The following CPQ variants were observed in gnomAD, a reference collection of about 807,000 sequenced individuals.
CPQ encodes the protein Ser-Met dipeptidase.
A neutral mutation model predicts 45.7 loss-of-function variants in CPQ; 37 were observed. The observed-to-expected ratio is 0.81, with a 90% CI of 0.62 to 1.07. The LOEUF (loss-of-function observed/expected upper bound fraction) is 1.07. Among genes scored for constraint, CPQ ranks in the 50% least tolerant of loss-of-function variants. CPQ has a pLI of 0.00. For missense variants in CPQ, 537 were observed against 572.9 expected, an observed-to-expected ratio of 0.94 and a Z score of 0.64; for synonymous variants, 186 against 205.8, an observed-to-expected ratio of 0.90 and a Z score of 0.82.
chr8:97,126,115 T>C (rs1178349749), intron 7 of CPQ, among the ~76,000 whole-genome samples: 3 of 152,142 alleles, frequency 2.0e-5, no homozygotes, highest in African/African-American at 7.2e-5. Flanking sequence ...ATGAGGAAGA[T>C]TACATAATTG....
intron 6 of CPQ, among the ~76,000 whole-genome samples, chr8:97,061,158 T>C (rs1174072627): frequency 1.3e-5 from 2 of 151,124 alleles, no homozygotes; most frequent in African/African-American, 4.9e-5. Flanking sequence ...AGAATTCTGG[T>C]TTACTGATAT....
chr8:97,105,232 C>A (rs1446457462), intron 7 of CPQ, among the ~76,000 whole-genome samples: 1 of 152,160 alleles, frequency 6.6e-6, no homozygotes, highest in Admixed American at 6.5e-5. Flanking sequence ...TAAAATTCCA[C>A]TCAGCCCTTG....
intron 6 of CPQ, among the ~76,000 whole-genome samples, chr8:97,049,657 C>T (rs189226335): frequency 2.2e-4 from 34 of 152,146 alleles, no homozygotes; most frequent in African/African-American, 7.0e-4. Flanking sequence ...GTTAGTGGTG[C>T]GATTAAAATT....
At chr8:96,772,594 T>G (rs1810557599) in intron 1 of CPQ, among the ~76,000 whole-genome samples, 1 of 152,000 alleles carries the variant, frequency 6.6e-6, no homozygotes, top group Non-Finnish European at 1.5e-5. Flanking sequence ...CACTAAAATT[T>G]AAAGGACAGA....
intron 4 of CPQ, among the ~76,000 whole-genome samples, chr8:96,912,415 T>C (rs1586448788): frequency 6.6e-6 from 1 of 152,144 alleles, no homozygotes; most frequent in Admixed American, 6.6e-5. Flanking sequence ...CGTGAGCATA[T>C]TGTTTGTTTT....
chr8:97,070,045 T>C (rs1014458851), intron 7 of CPQ, among the ~76,000 whole-genome samples: 2 of 152,250 alleles, frequency 1.3e-5, no homozygotes, highest in Non-Finnish European at 2.9e-5. Flanking sequence ...TCAACATTAA[T>C]ATAAGGCTTT....
intron 1 of CPQ, among the ~76,000 whole-genome samples, chr8:96,734,326 C>T (rs906131144): frequency 6.6e-6 from 1 of 152,168 alleles, no homozygotes; most frequent in African/African-American, 2.4e-5. Context: ...TAACAGGCTT[C>T]CCACATCCTC....
intron 1 of CPQ, among the ~76,000 whole-genome samples, chr8:96,699,375 G>A (rs547758654): frequency 2.6e-5 from 4 of 152,206 alleles, no homozygotes; most frequent in African/African-American, 9.6e-5. Flanking sequence ...ATGGTTAATT[G>A]CTACAAAAAT....
intron 3 of CPQ, among the ~76,000 whole-genome samples, chr8:96,844,691 G>A (rs932044713): frequency 1.6e-4 from 24 of 152,144 alleles, no homozygotes; most frequent in African/African-American, 5.6e-4. Flanking sequence ...GTCATCATTA[G>A]ATAGTGATGG....
chr8:97,108,689 C>T (rs961698237), intron 7 of CPQ, among the ~76,000 whole-genome samples: 1 of 152,138 alleles, frequency 6.6e-6, no homozygotes, highest in Admixed American at 6.5e-5. Context: ...AGTAAAACTC[C>T]TTGTTTGTAA....
At chr8:96,812,007 A>G (rs866019078) in intron 2 of CPQ, among the ~76,000 whole-genome samples, 1 of 152,124 alleles carries the variant, frequency 6.6e-6, no homozygotes, top group Non-Finnish European at 1.5e-5. Flanking sequence ...TTAATCCAAA[A>G]TTTCCTTTCT....
intron 7 of CPQ, among the ~76,000 whole-genome samples, chr8:97,123,005 A>AAAATAAATAAAATAAAAT (rs1811756872): frequency 2.5e-5 from 1 of 40,744 alleles, no homozygotes. Flanking sequence ...AATAAAATAT[A>AAAATAAATAAAATAAAAT]AAATAAAATA....
intron 4 of CPQ, among the ~76,000 whole-genome samples, chr8:96,924,796 T>C (rs368549054): frequency 3.3e-5 from 5 of 152,228 alleles, no homozygotes; most frequent in African/African-American, 1.2e-4. Context: ...AATTGAAATA[T>C]AAACTTCTGT....
chr8:97,089,243 CAAAA>C (rs61075671), intron 7 of CPQ, among the ~76,000 whole-genome samples: 1 of 122,414 alleles, frequency 8.2e-6, no homozygotes. Context: ...AGCTCAGTCT[CAAAA>C]AAAAAAAAAA....
At chr8:96,962,908 T>A (rs1287365057) in intron 4 of CPQ, among the ~76,000 whole-genome samples, 1 of 152,184 alleles carries the variant, frequency 6.6e-6, no homozygotes, top group Non-Finnish European at 1.5e-5. Flanking sequence ...TTTTTTCTGA[T>A]TTAAAAAAAT....
intron 3 of CPQ, among the ~76,000 whole-genome samples, chr8:96,874,911 G>C (rs1278000271): frequency 6.6e-6 from 1 of 151,880 alleles, no homozygotes; most frequent in Non-Finnish European, 1.5e-5. Context: ...TTGAAGAACT[G>C]TCAAATTGTT....
chr8:96,646,803 T>C lies in CPQ; in HGVS notation c.-35+1401T>C, dbSNP rs567742103. Reference sequence around the variant, plus strand: ...TACAGATGATTTCATGGAGTTCTGCTTACTTCACCTCCCATAGCATTTTGT... The same window carrying C: ...TACAGATGATTTCATGGAGTTCTGCCTACTTCACCTCCCATAGCATTTTGT... On this transcript the variant is annotated intron_variant, in intron 1 of 7. Transcript: ENST00000220763. Among the ~76,000 whole-genome samples, 4 of 152,368 alleles carry C rather than the reference T, an allele frequency of 2.6e-5. No individual in the cohort carries two copies. In the East Asian group the frequency reaches 5.8e-4, roughly 22 times the overall value.
At chr8:96,926,771 G>GC (rs1285847930) in intron 4 of CPQ, among the ~76,000 whole-genome samples, 1 of 151,748 alleles carries the variant, frequency 6.6e-6, no homozygotes, top group African/African-American at 2.4e-5. Flanking sequence ...GTGGTTTGCT[G>GC]CACCCATCAA....
At chr8:97,080,470 G>A (rs1459406883) in intron 7 of CPQ, among the ~76,000 whole-genome samples, 3 of 152,178 alleles carry the variant, frequency 2.0e-5, no homozygotes, top group South Asian at 2.1e-4. Flanking sequence ...AAGAGATTTT[G>A]GTAAAACTGA....
Sources: gnomAD v4.1 joint callset for allele counts (sites outside exome capture counted in the v4.1 genomes callset) on GRCh38, gnomAD v4.1.1 for gene constraint, MANE v1.5 for transcripts, NCBI Gene and HGNC (gene_info 2026-07-23, HGNC 2026-07-21) for gene names.